GPHN: variants seen among roughly 807,000 people sequenced by gnomAD.
GPHN encodes the protein gephyrin.
Under a neutral mutation model 95.5 loss-of-function variants are expected in GPHN, and 17 were observed. That is an observed-to-expected ratio of 0.18 (90% CI 0.12 to 0.27). The LOEUF (loss-of-function observed/expected upper bound fraction) is 0.27. GPHN is among the 10% of genes least tolerant of loss of function. The probability of loss-of-function intolerance (pLI) is 1.00; values close to 1 mark genes in which losing one functional copy is unlikely to be tolerated. For missense variants in GPHN, 660 were observed against 978.1 expected (o/e 0.67, Z 4.34); for synonymous variants, 320 against 322.5 (o/e 0.99, Z 0.08).
chr14:67,534,314 T>C, the GPHN span, among the ~76,000 whole-genome samples: 1 of 152,114 alleles, frequency 6.6e-6, no homozygotes, highest in Non-Finnish European at 1.5e-5. Context: ...TGCAGTGGCT[T>C]ATGCCTGTAA....
At chr14:67,520,255 A>G in the GPHN span, among the ~76,000 whole-genome samples, 1,288 of 152,254 alleles carry the variant, frequency 8.5e-3, 27 homozygotes, top group African/African-American at 0.03. Context: ...AGTTTGGATG[A>G]ATGTATATTG....
chr14:66,875,142 A>G lies in GPHN; in HGVS notation c.295-4797A>G, dbSNP rs538795196. ...AAAAGAATTTTCAACTCAGAATTTC[A>G]TATCTGGCCAAACTAAGCTTCATAA... On this transcript the variant is annotated intron_variant, in intron 4 of 22. Coordinates refer to ENST00000478722, the MANE Select transcript of GPHN (RefSeq NM_020806.5). Among the ~76,000 whole-genome samples, 151 of 152,334 alleles carry G rather than the reference A, an allele frequency of 9.9e-4. 1 individual carries two copies. The highest frequency in any genetic ancestry group is 3.5e-3 in the African/African-American group (147 of 41,572).
chr14:67,432,244 G>A, the GPHN span, among the ~76,000 whole-genome samples: 5 of 152,350 alleles, frequency 3.3e-5, 1 homozygote, highest in South Asian at 1.0e-3. Context: ...GCTCCAAGAG[G>A]TTAAATGATC....
At chr14:67,573,753 G>A in the GPHN span, 4 of 1,241,658 alleles carry the variant, frequency 3.2e-6, no homozygotes, top group Non-Finnish European at 4.8e-6. The surrounding 1 kb of genome is among the most constrained non-coding windows in gnomAD (Gnocchi z 4.8). Flanking sequence ...AGGTGCTCCG[G>A]AAAGGCTCCA....
intron 1 of GPHN, among the ~76,000 whole-genome samples, chr14:66,563,871 C>G (rs1369714723): frequency 6.6e-6 from 1 of 152,048 alleles, no homozygotes; most frequent in Admixed American, 6.6e-5. Context: ...TCTGGCTTTT[C>G]TTGCTTACTG....
At chr14:66,765,764 A>G (rs994110979) in intron 2 of GPHN, among the ~76,000 whole-genome samples, 2 of 152,194 alleles carry the variant, frequency 1.3e-5, no homozygotes, top group African/African-American at 4.8e-5. Flanking sequence ...AAACAGAAAA[A>G]AAAAAGAATG....
intron 2 of GPHN, among the ~76,000 whole-genome samples, chr14:66,774,504 C>T (rs2059310069): frequency 6.6e-6 from 1 of 152,188 alleles, no homozygotes; most frequent in Non-Finnish European, 1.5e-5. Context: ...ACTTGTCGTG[C>T]TTCTCAACGC....
intron 4 of GPHN, chr14:66,842,754 A>G: frequency 7.0e-7 from 1 of 1,434,326 alleles, no homozygotes; most frequent in Non-Finnish European, 9.4e-7. Flanking sequence ...TCATTTTCAG[A>G]TTAATAATTT....
the GPHN span, among the ~76,000 whole-genome samples, chr14:67,466,563 C>T: frequency 2.6e-4 from 40 of 152,312 alleles, no homozygotes; most frequent in Middle Eastern, 0.01. Flanking sequence ...CTCAGCCTGG[C>T]CTTTAGGGTG....
the GPHN span, among the ~76,000 whole-genome samples, chr14:67,400,735 C>G: frequency 6.6e-6 from 1 of 151,746 alleles, no homozygotes; most frequent in East Asian, 1.9e-4. Flanking sequence ...CGCCTGTAAT[C>G]CCAGCACTTC....
intron 1 of GPHN, among the ~76,000 whole-genome samples, chr14:66,650,377 A>G (rs1454659151): frequency 6.6e-6 from 1 of 152,224 alleles, no homozygotes; most frequent in African/African-American, 2.4e-5. Context: ...CTCCACTGAG[A>G]CCATCATTCT....
chr14:67,067,712 G>T (rs557661587), intron 11 of GPHN, among the ~76,000 whole-genome samples: 2 of 152,312 alleles, frequency 1.3e-5, no homozygotes, highest in East Asian at 1.9e-4. Context: ...ATCTCAGACT[G>T]CTGTGCTAGC....
At chr14:67,258,508 C>G in the GPHN span, among the ~76,000 whole-genome samples, 1 of 152,150 alleles carries the variant, frequency 6.6e-6, no homozygotes, top group African/African-American at 2.4e-5. Flanking sequence ...GCAGCCTTGA[C>G]CTCCCCAGGC....
the GPHN span, among the ~76,000 whole-genome samples, chr14:67,544,779 T>C: frequency 4.4e-3 from 675 of 152,310 alleles, 18 homozygotes; most frequent in East Asian, 0.062. Context: ...CCATGGAAGA[T>C]AGACTTAATG....
chr14:67,075,697 G>A (rs2076468997), intron 11 of GPHN, among the ~76,000 whole-genome samples: 1 of 152,150 alleles, frequency 6.6e-6, no homozygotes, highest in Non-Finnish European at 1.5e-5. Flanking sequence ...ATGACTTTAA[G>A]TAGTTCACTG....
intron 1 of GPHN, among the ~76,000 whole-genome samples, chr14:66,606,223 T>C (rs2062528258): frequency 6.6e-6 from 1 of 152,196 alleles, no homozygotes; most frequent in Non-Finnish European, 1.5e-5. Flanking sequence ...TAGACAGTTA[T>C]CCCAGCACCA....
chr14:67,465,822 G>A, the GPHN span, among the ~76,000 whole-genome samples: 1 of 152,222 alleles, frequency 6.6e-6, no homozygotes. Flanking sequence ...TTACCCGGGT[G>A]GGCCCTACAT....
chr14:66,985,573 CAG>C (rs1244833272), intron 9 of GPHN: 1 of 688,682 alleles, frequency 1.5e-6, no homozygotes, highest in Non-Finnish European at 2.5e-6. Context: ...AGAGCTACCA[CAG>C]AGAGTCAATT....
chr14:67,431,190 C>T, the GPHN span, among the ~76,000 whole-genome samples: 10 of 151,838 alleles, frequency 6.6e-5, no homozygotes, highest in African/African-American at 9.7e-5. Context: ...GTCAGGAGTT[C>T]GAGACCAGCC....
Sources: allele counts gnomAD v4.1 joint callset (sites outside exome capture counted in the v4.1 genomes callset), GRCh38; gene constraint gnomAD v4.1.1; non-coding constraint Gnocchi (gnomAD v3.1); transcripts MANE v1.5; gene names NCBI Gene and HGNC (gene_info 2026-07-23, HGNC 2026-07-21).